The following ZNF672 variants were observed in gnomAD, a reference collection of about 807,000 sequenced individuals.
ZNF672 encodes zinc finger protein 672.
For synonymous variants in ZNF672, 358 were observed against 305.6 expected, an observed-to-expected ratio of 1.17 and a Z score of -1.79; for missense variants, 733 against 701.1, an observed-to-expected ratio of 1.05 and a Z score of -0.51.
chr1:248,847,174 G>A lies in ZNF672; in HGVS notation c.-101G>A. 4.8e-6 allele frequency: 7 copies of A among 1,453,272 alleles called. No homozygotes were observed. The highest frequency in any genetic ancestry group is 6.4e-6 in the Non-Finnish European group (7 of 1,086,840). 90.0% of individuals were successfully genotyped at this position (1,453,272 alleles called of 1,614,324 possible). A position where few individuals can be genotyped will look rare whatever the true frequency, so the allele number is the denominator to read the frequency against. On this transcript the variant is annotated 5_prime_UTR_variant, in exon 4 of 4. The change creates a new upstream start codon in the 5' untranslated region. Transcript: ENST00000306562. Reference sequence around the variant, plus strand: ...GCCTCCCCCTTTCCTCTCTGTTACAGTGCCCTTTCCAGGCCTTAAGAGAAG... The same window carrying A: ...GCCTCCCCCTTTCCTCTCTGTTACAATGCCCTTTCCAGGCCTTAAGAGAAG...
Position 248,847,228 on chromosome 1 carries a change from G to T in ZNF672, c.-47G>T, listed in dbSNP as rs765792215. The T allele has an allele frequency of 6.4e-7, 1 of 1,571,806 alleles. No homozygotes were observed. The highest frequency in any genetic ancestry group is 8.7e-7 in the Non-Finnish European group (1 of 1,150,770). On this transcript the variant is annotated 5_prime_UTR_variant, in exon 4 of 4. Coordinates refer to ENST00000306562, the MANE Select transcript of ZNF672 (RefSeq NM_024836.3). Reference sequence around the variant, plus strand: ...AACTTAGCTGCAGCGTCAGGAGGTGGACCCCAGAGTGTGAGTGGCACGCTT... The same window carrying T: ...AACTTAGCTGCAGCGTCAGGAGGTGTACCCCAGAGTGTGAGTGGCACGCTT...
At chr1:248,841,981 G>C (rs1468308217) in intron 1 of ZNF672, among the ~76,000 whole-genome samples, 1 of 152,200 alleles carries the variant, frequency 6.6e-6, no homozygotes, top group Non-Finnish European at 1.5e-5. Flanking sequence ...CTTGGGCTGA[G>C]AGCAAACTGT....
chr1:248,846,166 TAA>T (rs1236116870), intron 3 of ZNF672, among the ~76,000 whole-genome samples: 2 of 152,236 alleles, frequency 1.3e-5, no homozygotes, highest in Non-Finnish European at 2.9e-5. Flanking sequence ...AGAATGTTCA[TAA>T]ACAATATGTT....
Position 248,848,509 on chromosome 1 carries a change from A to G in ZNF672, c.1235A>G (p.Gln412Arg). The change falls in exon 4 of 4, where the codon CAG (glutamine) becomes CGG (arginine). Residue 412 changes from glutamine to arginine, a missense_variant. Gln to Arg is a conservative substitution (Grantham distance 43). Transcript: ENST00000306562. ...KCFSHSRSLS[Q>R]HQRAHTRART... ...TTCAGCCACAGCCGCTCGCTGTCAC[A>G]GCATCAGCGGGCCCACACGCGCGCC... is the stretch of plus-strand genomic sequence containing the variant. 2 of 1,603,164 alleles carry G rather than the reference A, an allele frequency of 1.2e-6. No homozygotes were observed. The highest frequency in any genetic ancestry group is 1.7e-6 in the Non-Finnish European group (2 of 1,174,722).
intron 3 of ZNF672, among the ~76,000 whole-genome samples, chr1:248,846,738 TC>T (rs1297095122): frequency 6.6e-6 from 1 of 152,160 alleles, no homozygotes; most frequent in Non-Finnish European, 1.5e-5. Flanking sequence ...AGGATCCCCA[TC>T]TAAGGCCAGC....
At position 248,847,166 on chromosome 1, in the gene ZNF672, C is replaced by T; in HGVS notation, c.-109C>T. The T allele has an allele frequency of 1.4e-6, 2 of 1,426,248 alleles. No individual in the cohort carries two copies. Among genetic ancestry groups the T allele is most frequent in the Middle Eastern group, 2.1e-4 (1 of 4,696 alleles). The allele number at this position is 1,426,248 out of a possible 1,614,324, so 88.3% of individuals were successfully genotyped here. A position where few individuals can be genotyped will look rare whatever the true frequency, so the allele number is the denominator to read the frequency against. On this transcript the variant is annotated 5_prime_UTR_variant, in exon 4 of 4. Coordinates refer to ENST00000306562, the MANE Select transcript of ZNF672 (RefSeq NM_024836.3). ...TTTTTGCGGCCTCCCCCTTTCCTCT[C>T]TGTTACAGTGCCCTTTCCAGGCCTT... is the stretch of plus-strand genomic sequence containing the variant.
chr1:248,847,312 C>T lies in ZNF672; in HGVS notation c.38C>T (p.Pro13Leu). Residue 13 changes from proline to leucine, a missense_variant, in exon 4 of 4, where the codon CCT becomes CTT. Transcript: ENST00000306562. ...ATSGAVAAGK[P>L]YSCSECGKSF... ...TCTGGGGCAGTGGCAGCGGGGAAGC[C>T]TTACTCGTGCAGCGAATGTGGCAAG... The T allele has an allele frequency of 1.9e-6, 3 of 1,607,710 alleles. No homozygotes were observed. Among genetic ancestry groups the T allele is most frequent in the Non-Finnish European group, 2.6e-6 (3 of 1,174,542 alleles).
At chr1:248,845,279 C>T (rs1664738436) in intron 2 of ZNF672, among the ~76,000 whole-genome samples, 2 of 151,956 alleles carry the variant, frequency 1.3e-5, no homozygotes, top group South Asian at 4.2e-4. Flanking sequence ...TCCAGAGCTC[C>T]TGCTTGCATT....
chr1:248,839,508 G>A (rs1308486908), intron 1 of ZNF672: 1 of 152,180 alleles, frequency 6.6e-6, no homozygotes, highest in Non-Finnish European at 1.5e-5. Flanking sequence ...GCCGGGTGTG[G>A]TAGCACCTGC....
In ZNF672 at chr1:248,849,198, C is replaced by CCA. The variant is rs1659288024; in HGVS notation, c.*566_*567dup. 1 of 424,578 alleles carries CCA rather than the reference C, an allele frequency of 2.4e-6. No homozygotes were observed. The highest frequency in any genetic ancestry group is 4.9e-6 in the Non-Finnish European group (1 of 205,370). The allele number at this position is 424,578 out of a possible 1,614,324, so 26.3% of individuals were successfully genotyped here. On this transcript the variant is annotated 3_prime_UTR_variant, in exon 4 of 4. Coordinates refer to ENST00000306562, the MANE Select transcript of ZNF672 (RefSeq NM_024836.3). ...AAGCTCACTTCCATGAAGGATGTCT[C>CCA]CATGCTAGGAGCTGCCTGCACCCTG... is the stretch of plus-strand genomic sequence containing the variant.
chr1:248,841,069 T>C (rs1000038682), intron 1 of ZNF672, among the ~76,000 whole-genome samples: 2 of 151,222 alleles, frequency 1.3e-5, no homozygotes, highest in African/African-American at 4.9e-5. Flanking sequence ...GTGGAGGATA[T>C]GATGACTGTA....
Position 248,848,383 on chromosome 1 carries a change from C to T in ZNF672, c.1109C>T (p.Pro370Leu), listed in dbSNP as rs1361983189. ...NHAGHKPHKC[P>L]ECSKAFSVAS... Reference sequence around the variant, plus strand: ...GCCGGCCACAAGCCACACAAATGCCCCGAGTGCAGCAAGGCCTTCAGCGTC... The same window carrying T: ...GCCGGCCACAAGCCACACAAATGCCTCGAGTGCAGCAAGGCCTTCAGCGTC... Residue 370 changes from proline to leucine, a missense_variant, in exon 4 of 4, where the codon CCC (proline) becomes CTC (leucine). Physicochemically the swap from Pro to Leu is moderately conservative, Grantham distance 98. Transcript: ENST00000306562. The T allele has an allele frequency of 2.5e-6, 4 of 1,603,222 alleles. No homozygotes were observed. Among genetic ancestry groups the T allele is most frequent in the Non-Finnish European group, 3.4e-6 (4 of 1,179,814 alleles).
At chr1:248,846,167 AAAC>A (rs1558238490) in intron 3 of ZNF672, among the ~76,000 whole-genome samples, 1 of 152,196 alleles carries the variant, frequency 6.6e-6, no homozygotes, top group Non-Finnish European at 1.5e-5. Context: ...GAATGTTCAT[AAAC>A]AATATGTTTT....
intron 1 of ZNF672, among the ~76,000 whole-genome samples, chr1:248,841,442 T>G (rs1199738804): frequency 1.3e-5 from 2 of 152,024 alleles, no homozygotes; most frequent in Non-Finnish European, 2.9e-5. Context: ...TCCTGTTGCC[T>G]GTGTCTCAGA....
chr1:248,848,144 G>T lies in ZNF672; in HGVS notation c.870G>T (p.Lys290Asn). ...ERPHACATCGKGFGQRSDLVV... is the reference protein window; with the variant it reads ...ERPHACATCGNGFGQRSDLVV... ...CACATGCGTGCGCCACTTGCGGCAA[G>T]GGTTTCGGGCAGCGCTCCGACCTGG... The change falls in exon 4 of 4, where the codon AAG (lysine) becomes AAT (asparagine). Residue 290 changes from lysine to asparagine, a missense_variant. Coordinates refer to ENST00000306562, the MANE Select transcript of ZNF672 (RefSeq NM_024836.3). The T allele has an allele frequency of 6.3e-7, 1 of 1,581,548 alleles. No individual in the cohort carries two copies.
rs1449951025 is a variant in ZNF672, at chr1:248,847,738, C to A, written c.464C>A (p.Thr155Asn). 6.8e-7 allele frequency: 1 copy of A among 1,478,288 alleles called. No homozygotes were observed. Among genetic ancestry groups the A allele is most frequent in the African/African-American group, 1.4e-5 (1 of 71,234 alleles). The allele number at this position is 1,478,288 out of a possible 1,614,324, so 91.6% of individuals were successfully genotyped here. Residue 155 changes from threonine to asparagine, a missense_variant, in exon 4 of 4, where the codon ACC (threonine) becomes AAC (asparagine). By Grantham distance (65) the Thr-to-Asn change is moderately conservative (BLOSUM62 0). Transcript: ENST00000306562. ...GCGCGGGCGCACCCCTTGGGGACAACCTCTGACCCTGCTGCCCCACCCCAC... is the reference window on the plus strand; with the variant it reads ...GCGCGGGCGCACCCCTTGGGGACAAACTCTGACCCTGCTGCCCCACCCCAC... ...HQARAHPLGT[T>N]SDPAAPPHRC... is the part of the protein sequence containing the mutation.
At chr1:248,846,607 G>A (rs1664764420) in intron 3 of ZNF672, among the ~76,000 whole-genome samples, 1 of 152,194 alleles carries the variant, frequency 6.6e-6, no homozygotes, top group African/African-American at 2.4e-5. Context: ...AAGTCTGGCT[G>A]GGTTCATGTC....
rs991318967 is a variant in ZNF672, at chr1:248,847,797, G to C, written c.523G>C (p.Gly175Arg). 6.5e-7 allele frequency: 1 copy of C among 1,541,038 alleles called. No homozygotes were observed. Among genetic ancestry groups the C allele is most frequent in the East Asian group, 2.4e-5 (1 of 41,140 alleles). Residue 175 changes from glycine (G) to arginine (R), a missense_variant, in exon 4 of 4, where the codon GGC (glycine) becomes CGC (arginine). Physicochemically the swap from Gly to Arg is moderately radical, Grantham distance 125. Coordinates refer to ENST00000306562, the MANE Select transcript of ZNF672 (RefSeq NM_024836.3). Reference sequence around the variant, plus strand: ...GCAGTGCCCGCGAGCCTTCCGAAGCGGCGCCGGGCTGCGGAGTCACGCGCG... The same window carrying C: ...GCAGTGCCCGCGAGCCTTCCGAAGCCGCGCCGGGCTGCGGAGTCACGCGCG... ...CAQCPRAFRS[G>R]AGLRSHARIH...
At position 248,848,816 on chromosome 1, in the gene ZNF672, C is replaced by T. The variant is rs781412712; in HGVS notation, c.*183C>T. The T allele has an allele frequency of 3.3e-6, 3 of 903,066 alleles. No individual in the cohort carries two copies. The highest frequency in any genetic ancestry group is 5.3e-5 in the East Asian group (2 of 38,010). The allele number at this position is 903,066 out of a possible 1,614,324, so 55.9% of individuals were successfully genotyped here. A position where few individuals can be genotyped will look rare whatever the true frequency, so the allele number is the denominator to read the frequency against. On this transcript the variant is annotated 3_prime_UTR_variant, in exon 4 of 4. Transcript: ENST00000306562. Reference sequence around the variant, plus strand: ...CTGCCTCGCCTCTACACCTACTACCCTGTCGGCCCTTTTGCCATGCTGTCC... The same window carrying T: ...CTGCCTCGCCTCTACACCTACTACCTTGTCGGCCCTTTTGCCATGCTGTCC...
Sources: gnomAD v4.1 joint callset for allele counts (sites outside exome capture counted in the v4.1 genomes callset) on GRCh38, gnomAD v4.1.1 for gene constraint, MANE v1.5 for transcripts, NCBI Gene and HGNC (gene_info 2026-07-23, HGNC 2026-07-21) for gene names.